CLEC16A: variants seen among roughly 807,000 people sequenced by gnomAD.
The protein encoded by CLEC16A is protein CLEC16A.
In CLEC16A, 51 loss-of-function variants were observed where a neutral mutation model predicts 109.5. That is an observed-to-expected ratio of 0.47 (90% CI 0.37 to 0.59). The LOEUF (loss-of-function observed/expected upper bound fraction) is 0.59. CLEC16A is among the 20% of genes least tolerant of loss of function. The pLI is 0.00. For missense variants in CLEC16A, 1,339 were observed against 1,394.0 expected (o/e 0.96, Z 0.63); for synonymous variants, 673 against 564.2 (o/e 1.19, Z -2.73).
Position 11,166,572 on chromosome 16 carries a change from G to A in CLEC16A, c.2806+20G>A. On this transcript the variant is annotated intron_variant, in intron 23 of 23. Coordinates refer to ENST00000409790, the MANE Select transcript of CLEC16A (RefSeq NM_015226.3). ...CAGCAGGTATTGGCCACGTGACTCA[G>A]TGATATGGGGACATTTGGAGAACCC... The A allele has an allele frequency of 6.4e-7, 1 of 1,556,342 alleles. No homozygotes were observed. Among genetic ancestry groups the A allele is most frequent in the South Asian group, 1.2e-5 (1 of 85,582 alleles).
intron 13 of CLEC16A, among the ~76,000 whole-genome samples, chr16:11,034,760 C>T (rs1567223633): frequency 6.6e-6 from 1 of 152,114 alleles, no homozygotes; most frequent in East Asian, 1.9e-4. Flanking sequence ...TCACAAAGCA[C>T]TTAAGAGTTG....
At chr16:10,975,401 A>G (rs1029445009) in intron 7 of CLEC16A, among the ~76,000 whole-genome samples, 13 of 152,258 alleles carry the variant, frequency 8.5e-5, no homozygotes, top group Admixed American at 6.5e-4. Context: ...CAGCTTATCA[A>G]TGCTATTTGA....
intron 10 of CLEC16A, among the ~76,000 whole-genome samples, chr16:10,993,406 T>A (rs2044149709): frequency 1.3e-5 from 2 of 152,076 alleles, no homozygotes. Flanking sequence ...CAAGCTTACT[T>A]GTTTGTCTCA....
intron 11 of CLEC16A, among the ~76,000 whole-genome samples, chr16:11,009,674 G>C (rs1048501179): frequency 1.3e-5 from 2 of 152,214 alleles, no homozygotes; most frequent in African/African-American, 2.4e-5. Flanking sequence ...AACTGATACT[G>C]TGCAGGCACT....
intron 10 of CLEC16A, among the ~76,000 whole-genome samples, chr16:10,995,781 C>G (rs2044291297): frequency 6.6e-6 from 1 of 152,144 alleles, no homozygotes; most frequent in South Asian, 2.1e-4. Context: ...GCCAGGTCTG[C>G]CTGGGCATGT....
At chr16:11,007,789 TGTGA>T (rs1440653860) in intron 11 of CLEC16A, among the ~76,000 whole-genome samples, 1 of 152,108 alleles carries the variant, frequency 6.6e-6, no homozygotes, top group African/African-American at 2.4e-5. Context: ...TGAGTATGTG[TGTGA>T]GAGTGAGTGT....
chr16:11,144,670 G>A (rs1405727030), intron 22 of CLEC16A, among the ~76,000 whole-genome samples: 3 of 152,218 alleles, frequency 2.0e-5, no homozygotes, highest in Non-Finnish European at 2.9e-5. Flanking sequence ...CACCTTGAAA[G>A]CTTTTAGAAA....
At chr16:10,948,839 A>G (rs892182952) in intron 1 of CLEC16A, among the ~76,000 whole-genome samples, 3 of 152,168 alleles carry the variant, frequency 2.0e-5, no homozygotes, top group Admixed American at 2.0e-4. Context: ...ATTTTCAGGC[A>G]GGCTGCAGGC....
At chr16:10,973,312 C>T (rs1289129052) in intron 7 of CLEC16A, among the ~76,000 whole-genome samples, 2 of 152,178 alleles carry the variant, frequency 1.3e-5, no homozygotes, top group African/African-American at 4.8e-5. Flanking sequence ...TGCTACGCAG[C>T]TGGTGAGAAG....
chr16:11,135,075 A>G (rs2053478066), intron 22 of CLEC16A, among the ~76,000 whole-genome samples: 1 of 152,232 alleles, frequency 6.6e-6, no homozygotes, highest in Non-Finnish European at 1.5e-5. Flanking sequence ...GCATGAACAA[A>G]AAGCAGAAGG....
chr16:10,999,000 A>T (rs2044499828), intron 10 of CLEC16A, among the ~76,000 whole-genome samples: 1 of 152,250 alleles, frequency 6.6e-6, no homozygotes, highest in Non-Finnish European at 1.5e-5. Context: ...AGAAAAAACA[A>T]AAAACAAAAA....
intron 10 of CLEC16A, among the ~76,000 whole-genome samples, chr16:10,983,598 G>A (rs1035188666): frequency 2.0e-5 from 3 of 152,200 alleles, no homozygotes; most frequent in South Asian, 4.1e-4. Context: ...GAGCTTTGGC[G>A]TTCCATTTGG....
intron 19 of CLEC16A, among the ~76,000 whole-genome samples, chr16:11,087,496 T>A (rs963014269): frequency 6.6e-6 from 1 of 152,276 alleles, no homozygotes; most frequent in Non-Finnish European, 1.5e-5. Flanking sequence ...TTATGCTACC[T>A]ATAGATATTA....
intron 16 of CLEC16A, among the ~76,000 whole-genome samples, chr16:11,045,397 G>A (rs2047582341): frequency 6.6e-6 from 1 of 152,176 alleles, no homozygotes; most frequent in Non-Finnish European, 1.5e-5. Flanking sequence ...AGGCTGGGAA[G>A]TCTAAGATCA....
chr16:10,973,887 CTTTTTTTTTTT>C (rs569414844), intron 7 of CLEC16A, among the ~76,000 whole-genome samples: 4 of 46,584 alleles, frequency 8.6e-5, no homozygotes, highest in African/African-American at 2.5e-4. Context: ...GGGCTGCTTG[CTTTTTTTTTTT>C]TTTTTTTTTT....
At chr16:11,013,089 G>T (rs2045536532) in intron 11 of CLEC16A, among the ~76,000 whole-genome samples, 1 of 152,172 alleles carries the variant, frequency 6.6e-6, no homozygotes, top group Non-Finnish European at 1.5e-5. Flanking sequence ...TGGGATGAGG[G>T]AGGAAACCAG....
intron 11 of CLEC16A, among the ~76,000 whole-genome samples, chr16:11,012,641 G>C (rs2045504279): frequency 1.4e-5 from 2 of 141,778 alleles, no homozygotes; most frequent in Admixed American, 1.4e-4. Flanking sequence ...ATGAAAACAT[G>C]TAAGATAATT....
At chr16:10,971,476 G>C (rs2042783852) in intron 5 of CLEC16A, 1 of 846,584 alleles carries the variant, frequency 1.2e-6, no homozygotes, top group Non-Finnish European at 1.4e-6. Flanking sequence ...GATGTCCTGA[G>C]AGGCACGTGT....
chr16:10,957,569 C>G (rs907970139), intron 1 of CLEC16A, among the ~76,000 whole-genome samples: 1 of 152,188 alleles, frequency 6.6e-6, no homozygotes, highest in Non-Finnish European at 1.5e-5. Flanking sequence ...TTCTTGTCTC[C>G]GTCTGGGTTG....
Sources: gnomAD v4.1 joint callset for allele counts (sites outside exome capture counted in the v4.1 genomes callset) on GRCh38, gnomAD v4.1.1 for gene constraint, MANE v1.5 for transcripts, NCBI Gene and HGNC (gene_info 2026-07-23, HGNC 2026-07-21) for gene names.